RASGRF2: variants seen among roughly 807,000 people sequenced by gnomAD.
RASGRF2 encodes Ras protein specific guanine nucleotide releasing factor 2.
Under a neutral mutation model 151.0 loss-of-function variants are expected in RASGRF2, and 76 were observed. The observed-to-expected ratio is 0.50, with a 90% CI of 0.42 to 0.61. The LOEUF (loss-of-function observed/expected upper bound fraction) is 0.61, where lower values mean the gene tolerates loss of function less well. Ranked by LOEUF, RASGRF2 falls within the 20% of genes least tolerant of loss-of-function variation. RASGRF2 has a pLI of 0.00. For synonymous variants in RASGRF2, 504 were observed against 566.5 expected, an observed-to-expected ratio of 0.89 and a Z score of 1.57; for missense variants, 1,148 against 1,564.6, an observed-to-expected ratio of 0.73 and a Z score of 4.49.
intron 1 of RASGRF2, among the ~76,000 whole-genome samples, chr5:80,987,590 G>A (rs1748512661): frequency 6.6e-6 from 1 of 152,164 alleles, no homozygotes; most frequent in Non-Finnish European, 1.5e-5. Flanking sequence ...TTGTGGGAGA[G>A]CAGACAAGGG....
intron 12 of RASGRF2, among the ~76,000 whole-genome samples, chr5:81,103,300 T>A (rs1752752849): frequency 1.3e-5 from 2 of 151,972 alleles, no homozygotes; most frequent in African/African-American, 2.4e-5. Context: ...AGAATATAGG[T>A]ATAGCTATAT....
chr5:81,169,851 C>A, intron 17 of RASGRF2, among the ~76,000 whole-genome samples: 1 of 66,686 alleles, frequency 1.5e-5, no homozygotes. Flanking sequence ...GCATCACCTG[C>A]ACCACCTGTA....
At chr5:81,087,202 C>T in intron 9 of RASGRF2, 1 of 703,140 alleles carries the variant, frequency 1.4e-6, no homozygotes, top group Non-Finnish European at 2.6e-6. Context: ...CTGGACGCTC[C>T]TCCTCAGCGG....
At chr5:80,991,489 A>G (rs993266173) in intron 1 of RASGRF2, among the ~76,000 whole-genome samples, 2 of 152,232 alleles carry the variant, frequency 1.3e-5, no homozygotes, top group Non-Finnish European at 2.9e-5. Context: ...AACAAGGTCC[A>G]GGAAGACCTT....
chr5:81,095,343 C>T (rs460200), intron 12 of RASGRF2, among the ~76,000 whole-genome samples: 40,034 of 151,894 alleles, frequency 0.26, 5,420 homozygotes, highest in Admixed American at 0.31. Context: ...GTTTCTGAAG[C>T]AGAATAATGG....
chr5:80,994,113 A>G (rs557653835), intron 1 of RASGRF2, among the ~76,000 whole-genome samples: 2 of 151,988 alleles, frequency 1.3e-5, no homozygotes, highest in Non-Finnish European at 2.9e-5. Context: ...CACTTTAAGA[A>G]GGGGTAGTCT....
In RASGRF2 at chr5:81,112,727, A is replaced by G. The variant is rs764924238; in HGVS notation, c.1956A>G (p.Thr652=). ...TGGAGCGCCTCTTGGAACGACTGACAGACTTGCGGTTTCTTAGTATTGATT... is the reference window on the plus strand; with the variant it reads ...TGGAGCGCCTCTTGGAACGACTGACGGACTTGCGGTTTCTTAGTATTGATT... ...ASVERLLERL[T]DLRFLSIDFL... is the part of the protein sequence containing the mutation. The change falls in exon 14 of 27, where the codon ACA becomes ACG. Residue 652 remains threonine (T), a synonymous_variant. Coordinates refer to ENST00000265080, the MANE Select transcript of RASGRF2 (RefSeq NM_006909.3). The G allele has an allele frequency of 6.2e-7, 1 of 1,614,222 alleles. No homozygotes were observed. Among genetic ancestry groups the G allele is most frequent in the Non-Finnish European group, 8.5e-7 (1 of 1,180,034 alleles).
chr5:81,067,908 A>G (rs1751656482), intron 2 of RASGRF2, 124 bp from the exon 3 acceptor site: 4 of 766,698 alleles, frequency 5.2e-6, no homozygotes, highest in Middle Eastern at 4.2e-4. Context: ...ATTTATGTCA[A>G]GTAGAGATAG....
At chr5:81,190,795 C>A (rs1755138730) in intron 18 of RASGRF2, among the ~76,000 whole-genome samples, 1 of 152,160 alleles carries the variant, frequency 6.6e-6, no homozygotes, top group Non-Finnish European at 1.5e-5. Context: ...TAGATTTAAG[C>A]TTTTAGGAAG....
At chr5:81,116,212 AG>A (rs1753152769) in intron 15 of RASGRF2, among the ~76,000 whole-genome samples, 1 of 150,766 alleles carries the variant, frequency 6.6e-6, no homozygotes, top group East Asian at 2.0e-4. Flanking sequence ...CCTCCTGAGT[AG>A]CTGGGATTAC....
chr5:81,104,185 T>C (rs903582608), intron 12 of RASGRF2, among the ~76,000 whole-genome samples: 1 of 152,118 alleles, frequency 6.6e-6, no homozygotes, highest in Admixed American at 6.5e-5. Flanking sequence ...AAAATGATGA[T>C]CTGTAGAAAA....
chr5:81,067,668 C>T (rs2112451608), intron 2 of RASGRF2, among the ~76,000 whole-genome samples: 1 of 152,276 alleles, frequency 6.6e-6, no homozygotes, highest in African/African-American at 2.4e-5. Context: ...TTTTGAATAG[C>T]ATCCCTGGAA....
intron 12 of RASGRF2, among the ~76,000 whole-genome samples, chr5:81,100,802 C>T (rs1031847621): frequency 2.5e-4 from 38 of 152,030 alleles, no homozygotes; most frequent in African/African-American, 8.0e-4. Context: ...AATAGTTTTT[C>T]GGAAATCAAG....
At chr5:81,035,472 C>T (rs571484663) in intron 1 of RASGRF2, among the ~76,000 whole-genome samples, 60 of 151,366 alleles carry the variant, frequency 4.0e-4, no homozygotes, top group Non-Finnish European at 6.5e-4. Flanking sequence ...TGGGGTGGGG[C>T]GAGTGGGGAG....
chr5:81,198,996 A>G (rs556976745), intron 18 of RASGRF2, among the ~76,000 whole-genome samples: 3 of 152,338 alleles, frequency 2.0e-5, no homozygotes, highest in African/African-American at 7.2e-5. Context: ...TGCTTTCCAC[A>G]GGGACTGAAC....
At chr5:81,032,092 T>A (rs1750275120) in intron 1 of RASGRF2, among the ~76,000 whole-genome samples, 1 of 152,076 alleles carries the variant, frequency 6.6e-6, no homozygotes, top group Non-Finnish European at 1.5e-5. Flanking sequence ...CTCCCAAGAT[T>A]AAACCAGGAG....
chr5:80,965,761 A>G (rs1469970389), intron 1 of RASGRF2, among the ~76,000 whole-genome samples: 3 of 152,210 alleles, frequency 2.0e-5, no homozygotes, highest in African/African-American at 7.2e-5. Flanking sequence ...TGTGATAACC[A>G]AATGTTTCTG....
intron 3 of RASGRF2, chr5:81,070,018 T>C (rs755503686): frequency 1.3e-5 from 2 of 157,658 alleles, no homozygotes; most frequent in Middle Eastern, 3.0e-3. Flanking sequence ...CCCGTTACAG[T>C]TGCCATTTTC....
At chr5:81,035,732 G>T (rs990346913) in intron 1 of RASGRF2, among the ~76,000 whole-genome samples, 8 of 152,144 alleles carry the variant, frequency 5.3e-5, no homozygotes, top group Non-Finnish European at 8.8e-5. Context: ...TGAACAGAGA[G>T]ATAAAGAAAT....
Sources: gnomAD v4.1 joint callset for allele counts (sites outside exome capture counted in the v4.1 genomes callset) on GRCh38, gnomAD v4.1.1 for gene constraint, MANE v1.5 for transcripts, NCBI Gene and HGNC (gene_info 2026-07-23, HGNC 2026-07-21) for gene names.